The following MKLN1 variants were observed in gnomAD, a reference collection of about 807,000 sequenced individuals.
MKLN1 encodes the protein muskelin 1.
A neutral mutation model predicts 99.0 loss-of-function variants in MKLN1; 18 were observed. That is an observed-to-expected ratio of 0.18 (90% CI 0.13 to 0.27). The LOEUF (loss-of-function observed/expected upper bound fraction) is 0.27. MKLN1 is among the 10% of genes least tolerant of loss of function. MKLN1 has a pLI of 1.00. For synonymous variants in MKLN1, 288 were observed against 293.2 expected (o/e 0.98, Z 0.18); for missense variants, 621 against 875.9 (o/e 0.71, Z 3.67).
intron 1 of MKLN1, among the ~76,000 whole-genome samples, chr7:131,346,241 G>A (rs1799555741): frequency 6.6e-6 from 1 of 152,184 alleles, no homozygotes; most frequent in Non-Finnish European, 1.5e-5. Flanking sequence ...AACAATATTA[G>A]GGCGGGTGTG....
chr7:131,425,254 T>C (rs1289591092), intron 8 of MKLN1, among the ~76,000 whole-genome samples: 1 of 152,066 alleles, frequency 6.6e-6, no homozygotes, highest in Non-Finnish European at 1.5e-5. Flanking sequence ...TCTGTCTCTA[T>C]ACTTTTGCTA....
intron 3 of MKLN1, among the ~76,000 whole-genome samples, chr7:131,262,412 G>A (rs1434386827): frequency 6.6e-6 from 1 of 151,974 alleles, no homozygotes; most frequent in African/African-American, 2.4e-5. Context: ...ACTCCAGCCT[G>A]GGCGACAGAG....
At chr7:131,468,199 C>T (rs772428606) in intron 15 of MKLN1, among the ~76,000 whole-genome samples, 2 of 152,138 alleles carry the variant, frequency 1.3e-5, no homozygotes, top group African/African-American at 4.8e-5. Flanking sequence ...AGAAAGCAGT[C>T]GAGGATGACT....
At chr7:131,145,661 A>C (rs1220125905) in intron 2 of MKLN1, among the ~76,000 whole-genome samples, 3 of 152,278 alleles carry the variant, frequency 2.0e-5, no homozygotes, top group Non-Finnish European at 2.9e-5. Context: ...GATAACTAGC[A>C]TATGTAGCTA....
chr7:131,379,586 G>T lies in MKLN1; in HGVS notation c.168+4093G>T, dbSNP rs138091145. On this transcript the variant is annotated intron_variant, in intron 2 of 17. Transcript: ENST00000352689. ...CAAATTTTAAAAAATATTTTTGAAG[G>T]TAGTATATTGAAAATAAGGTAGTAA... is the stretch of plus-strand genomic sequence containing the variant. Among the ~76,000 whole-genome samples, 295 of 152,238 alleles carry T rather than the reference G, an allele frequency of 1.9e-3. 2 individuals are homozygous for T. Among genetic ancestry groups the T allele is most frequent in the East Asian group, 1.7e-3 (9 of 5,190 alleles).
At chr7:131,195,551 A>C (rs976633520) in intron 2 of MKLN1, among the ~76,000 whole-genome samples, 5 of 152,140 alleles carry the variant, frequency 3.3e-5, no homozygotes, top group African/African-American at 1.2e-4. Flanking sequence ...AATTTGGAAA[A>C]GATGGGCTAA....
At chr7:131,348,524 CGTT>C (rs1799627532) in intron 1 of MKLN1, among the ~76,000 whole-genome samples, 1 of 148,836 alleles carries the variant, frequency 6.7e-6, no homozygotes, top group Non-Finnish European at 1.5e-5. Flanking sequence ...TAACTATAGT[CGTT>C]GGGTTTTTTT....
chr7:131,110,110 G>T, upstream of MKLN1: 1 of 270,568 alleles, frequency 3.7e-6, no homozygotes. Flanking sequence ...TGATCCTCCG[G>T]TAGCGAAGGG....
At chr7:131,272,426 C>T (rs1336064252) in intron 3 of MKLN1, among the ~76,000 whole-genome samples, 1 of 152,072 alleles carries the variant, frequency 6.6e-6, no homozygotes, top group African/African-American at 2.4e-5. Flanking sequence ...TCCAATATTG[C>T]CAAAGAATAA....
chr7:131,208,785 C>T (rs1430789084), intron 3 of MKLN1, among the ~76,000 whole-genome samples: 1 of 152,180 alleles, frequency 6.6e-6, no homozygotes, highest in Non-Finnish European at 1.5e-5. Context: ...GAGGTCCCAG[C>T]TCTCATGGAG....
At chr7:131,435,383 A>G (rs377698873) in intron 9 of MKLN1, among the ~76,000 whole-genome samples, 4 of 151,902 alleles carry the variant, frequency 2.6e-5, no homozygotes, top group African/African-American at 9.7e-5. Flanking sequence ...CCTTTGTAAT[A>G]TTATTTGGTT....
At chr7:131,158,954 T>C (rs772247218) in intron 2 of MKLN1, among the ~76,000 whole-genome samples, 20 of 152,086 alleles carry the variant, frequency 1.3e-4, no homozygotes, top group Non-Finnish European at 2.8e-4. Flanking sequence ...GCAACATATA[T>C]GAGCAAGTTA....
intron 14 of MKLN1, among the ~76,000 whole-genome samples, chr7:131,465,707 T>G (rs575142285): frequency 6.6e-6 from 1 of 151,784 alleles, no homozygotes; most frequent in South Asian, 2.1e-4. Flanking sequence ...CCCGGCTAAT[T>G]TTTTTGTATT....
chr7:131,336,835 T>C (rs1426920282), intron 1 of MKLN1, among the ~76,000 whole-genome samples: 3 of 152,194 alleles, frequency 2.0e-5, no homozygotes, highest in Non-Finnish European at 1.5e-5. Context: ...CATTGTTCTT[T>C]ATTTCCTTTT....
At chr7:131,382,299 A>G (rs1361801032) in intron 2 of MKLN1, among the ~76,000 whole-genome samples, 1 of 152,044 alleles carries the variant, frequency 6.6e-6, no homozygotes, top group Non-Finnish European at 1.5e-5. Context: ...TGGGAGGCGG[A>G]GGTTGCAGTG....
At chr7:131,330,812 C>A (rs1385839623) in intron 1 of MKLN1, among the ~76,000 whole-genome samples, 1 of 152,102 alleles carries the variant, frequency 6.6e-6, no homozygotes, top group Non-Finnish European at 1.5e-5. Context: ...AATATTTCCC[C>A]TTTCAACTCT....
At chr7:131,408,254 A>G (rs1488207712) in intron 6 of MKLN1, among the ~76,000 whole-genome samples, 1 of 152,184 alleles carries the variant, frequency 6.6e-6, no homozygotes, top group African/African-American at 2.4e-5. Context: ...AATATTGACT[A>G]TTATATTCTT....
intron 1 of MKLN1, among the ~76,000 whole-genome samples, chr7:131,373,874 A>T (rs1186928594): frequency 6.6e-6 from 1 of 152,068 alleles, no homozygotes; most frequent in Non-Finnish European, 1.5e-5. Flanking sequence ...CATTACATTT[A>T]GTTGTCATGT....
At chr7:131,126,390 A>C (rs771587577) in intron 1 of MKLN1, among the ~76,000 whole-genome samples, 1 of 152,232 alleles carries the variant, frequency 6.6e-6, no homozygotes, top group Non-Finnish European at 1.5e-5. Context: ...TGAGTAGTTA[A>C]GTGAAAAATA....
Sources: allele counts gnomAD v4.1 joint callset (sites outside exome capture counted in the v4.1 genomes callset), GRCh38; gene constraint gnomAD v4.1.1; transcripts MANE v1.5; gene names NCBI Gene and HGNC (gene_info 2026-07-23, HGNC 2026-07-21).